The following NFASC variants were observed in gnomAD, a reference collection of about 807,000 sequenced individuals.
NFASC encodes neurofascin homolog.
A neutral mutation model predicts 147.5 loss-of-function variants in NFASC; 43 were observed. The ratio of observed to expected loss-of-function variants is 0.29; its 90% CI spans 0.23 to 0.38. NFASC has a LOEUF of 0.38. Among genes scored for constraint, NFASC ranks in the 10% least tolerant of loss-of-function variants. The probability of loss-of-function intolerance (pLI) is 1.00; values close to 1 mark genes in which losing one functional copy is unlikely to be tolerated. For synonymous variants in NFASC, 622 were observed against 665.5 expected (o/e 0.93, Z 1.01); for missense variants, 1,320 against 1,689.0 (o/e 0.78, Z 3.83).
In NFASC at chr1:204,900,556, T is replaced by C. The variant is rs554981662; in HGVS notation, c.-199-20076T>C. Among the ~76,000 whole-genome samples, 20 of 152,296 alleles carry C rather than the reference T, an allele frequency of 1.3e-4. No individual in the cohort carries two copies. The South Asian group carries it at 4.1e-3, about 32-fold the overall frequency. On this transcript the variant is annotated intron_variant, in intron 1 of 29. Transcript: ENST00000339876. The stretch of plus-strand genomic sequence containing the variant: ...AAACAAAACAGATAGAATCGCTGTC[T>C]CTCAAGGAACTTATTTTTATGGGAA...
At position 204,959,428 on chromosome 1, in the gene NFASC, C is replaced by T. The variant is rs547868154; in HGVS notation, c.706+1602C>T. ...AGTTGGTTTGTCTGCAGTGTCTCCT[C>T]AGTCCACATCAGGGTGACTGCCTGC... is the stretch of plus-strand genomic sequence containing the variant. On this transcript the variant is annotated intron_variant, in intron 8 of 29. Coordinates refer to ENST00000339876, the MANE Select transcript of NFASC (RefSeq NM_001005388.3). 2.6e-5 allele frequency among the ~76,000 whole-genome samples: 4 copies of T among 152,348 alleles called. No individual in the cohort carries two copies. In the South Asian group the frequency reaches 6.2e-4, roughly 24 times the overall value.
At chr1:204,993,466 T>C (rs1371387133) in intron 24 of NFASC, among the ~76,000 whole-genome samples, 2 of 152,186 alleles carry the variant, frequency 1.3e-5, no homozygotes. Flanking sequence ...ACACATGTCA[T>C]CTCTCCTCAG....
chr1:204,874,276 T>C (rs1235554755), intron 1 of NFASC, among the ~76,000 whole-genome samples: 3 of 152,186 alleles, frequency 2.0e-5, no homozygotes, highest in Non-Finnish European at 2.9e-5. Flanking sequence ...CCATGTTGCC[T>C]CCTGCTGCCA....
In NFASC at chr1:205,001,278, A is replaced by G; in HGVS notation, c.3128A>G (p.Tyr1043Cys). The stretch of plus-strand genomic sequence containing the variant: ...CCCGGAACTGACTTTGTGGTTGAGT[A>G]CATCGACAGTAAGCATTGCTGTGCG... Reference protein sequence around the residue: ...FGPGTDFVVEYIDSNHTKKTV... With the variant: ...FGPGTDFVVECIDSNHTKKTV... The change falls in exon 26 of 30, where the codon TAC (tyrosine) becomes TGC (cysteine). Residue 1043 changes from tyrosine to cysteine, a missense_variant. Coordinates refer to ENST00000339876, the MANE Select transcript of NFASC (RefSeq NM_001005388.3). The G allele has an allele frequency of 6.2e-7, 1 of 1,607,932 alleles. No individual in the cohort carries two copies. The highest frequency in any genetic ancestry group is 8.5e-7 in the Non-Finnish European group (1 of 1,175,804).
At chr1:204,996,685 A>G (rs551870213) in intron 24 of NFASC, among the ~76,000 whole-genome samples, 13 of 151,902 alleles carry the variant, frequency 8.6e-5, no homozygotes, top group African/African-American at 1.7e-4. Flanking sequence ...GTGATTTTGG[A>G]GTGATTGGTT....
At chr1:204,910,240 T>C (rs1161504263) in intron 1 of NFASC, among the ~76,000 whole-genome samples, 2 of 152,194 alleles carry the variant, frequency 1.3e-5, no homozygotes, top group African/African-American at 4.8e-5. Flanking sequence ...TTTATGTAGA[T>C]ATTTGATTTC....
intron 1 of NFASC, among the ~76,000 whole-genome samples, chr1:204,898,985 C>A (rs981014211): frequency 2.0e-5 from 3 of 152,160 alleles, no homozygotes; most frequent in African/African-American, 7.2e-5. Context: ...GGCAGAGACA[C>A]AGCCCCTGCC....
chr1:204,969,050 TGAGGGTGGTTGGGGGCAGA>T, intron 10 of NFASC, 68 bp downstream of exon 10: 1 of 1,424,772 alleles, frequency 7.0e-7, no homozygotes, highest in Non-Finnish European at 9.6e-7. Context: ...CCCTTCCCTC[TGAGGGTGGTTGGGGGCAGA>T]GTGAGTCGGA....
chr1:204,953,940 G>T (rs1445582151), intron 5 of NFASC, among the ~76,000 whole-genome samples: 1 of 152,216 alleles, frequency 6.6e-6, no homozygotes, highest in Non-Finnish European at 1.5e-5. Context: ...TCTTAGGTGG[G>T]TAGAAATACT....
At chr1:204,980,556 G>C in intron 20 of NFASC, 116 bp downstream of exon 20, 1 of 762,246 alleles carries the variant, frequency 1.3e-6, no homozygotes, top group Non-Finnish European at 2.1e-6. Flanking sequence ...CTCTCTGGCT[G>C]GTCTTGGTGG....
chr1:204,961,588 C>A (rs955405324), intron 8 of NFASC, among the ~76,000 whole-genome samples: 1 of 152,266 alleles, frequency 6.6e-6, no homozygotes, highest in Admixed American at 6.5e-5. Flanking sequence ...CTCTTTTGGT[C>A]AATGACCTCC....
At chr1:204,899,305 C>T (rs1049444725) in intron 1 of NFASC, among the ~76,000 whole-genome samples, 13 of 152,198 alleles carry the variant, frequency 8.5e-5, no homozygotes, top group Admixed American at 4.6e-4. Context: ...GAAACAGCAA[C>T]GTCCTCTTCA....
intron 7 of NFASC, among the ~76,000 whole-genome samples, chr1:204,957,366 A>G (rs2094478012): frequency 6.6e-6 from 1 of 152,222 alleles, no homozygotes; most frequent in South Asian, 2.1e-4. Context: ...TGGCGTGAAC[A>G]GGAAAGAGAA....
chr1:205,003,517 T>G (rs1361996726), intron 27 of NFASC, among the ~76,000 whole-genome samples: 1 of 152,170 alleles, frequency 6.6e-6, no homozygotes, highest in African/African-American at 2.4e-5. Context: ...GGGCACTCCC[T>G]GGTCTGAGTG....
intron 1 of NFASC, among the ~76,000 whole-genome samples, chr1:204,867,619 G>A (rs1297529979): frequency 6.6e-6 from 1 of 151,696 alleles, no homozygotes; most frequent in African/African-American, 2.4e-5. Flanking sequence ...AGCCTGGCAG[G>A]TATACATGCA....
intron 11 of NFASC, among the ~76,000 whole-genome samples, chr1:204,971,487 G>A (rs16854835): frequency 0.087 from 13,237 of 152,190 alleles, 712 homozygotes; most frequent in African/African-American, 0.16. Flanking sequence ...AGTAGATGGC[G>A]AGAACTCAGT....
At chr1:204,876,859 G>A (rs2078891043) in intron 1 of NFASC, among the ~76,000 whole-genome samples, 1 of 151,326 alleles carries the variant, frequency 6.6e-6, no homozygotes, top group Non-Finnish European at 1.5e-5. Context: ...AATGTGGAGA[G>A]GAGAGCTTTG....
chr1:204,978,834 C>G (rs2095460306), intron 17 of NFASC, 134 bp from the exon 18 acceptor site: 1 of 633,710 alleles, frequency 1.6e-6, no homozygotes. Flanking sequence ...CCTGTGCTCA[C>G]CCCTCAGGGC....
intron 27 of NFASC, chr1:205,009,282 A>G (rs919730870): frequency 3.6e-6 from 2 of 554,334 alleles, no homozygotes; most frequent in Non-Finnish European, 6.7e-6. Flanking sequence ...TCCCTATGAC[A>G]CTTTCCCCTT....
Sources: gnomAD v4.1 joint callset for allele counts (sites outside exome capture counted in the v4.1 genomes callset) on GRCh38, gnomAD v4.1.1 for gene constraint, MANE v1.5 for transcripts, NCBI Gene and HGNC (gene_info 2026-07-23, HGNC 2026-07-21) for gene names.